The following SLC38A9 variants were observed in gnomAD, a reference collection of about 807,000 sequenced individuals.
SLC38A9 encodes the protein neutral amino acid transporter 9.
A neutral mutation model predicts 62.3 loss-of-function variants in SLC38A9; 48 were observed. That is an observed-to-expected ratio of 0.77 (90% confidence interval 0.61 to 0.98). The LOEUF (loss-of-function observed/expected upper bound fraction) is 0.98. SLC38A9 is among the 50% of genes least tolerant of loss of function. The probability of loss-of-function intolerance (pLI) is 0.00; values close to 1 mark genes in which losing one functional copy is unlikely to be tolerated. For missense variants in SLC38A9, 541 were observed against 679.8 expected (o/e 0.80, Z 2.27); for synonymous variants, 204 against 227.7 (o/e 0.90, Z 0.94).
chr5:55,637,066 T>A (rs890892091), intron 12 of SLC38A9, among the ~76,000 whole-genome samples: 1 of 152,152 alleles, frequency 6.6e-6, no homozygotes, highest in Non-Finnish European at 1.5e-5. Context: ...CCCATTATGA[T>A]GGCTGAAAGT....
chr5:55,691,431 T>C, intron 3 of SLC38A9: 1 of 1,066,454 alleles, frequency 9.4e-7, no homozygotes, highest in Admixed American at 4.0e-5. Context: ...GGATATGAAA[T>C]CCCTAGGCCC....
At chr5:55,641,469 C>T (rs561107688) in intron 12 of SLC38A9, among the ~76,000 whole-genome samples, 6 of 152,314 alleles carry the variant, frequency 3.9e-5, no homozygotes, top group Admixed American at 1.3e-4. Flanking sequence ...TCTGAATGCA[C>T]GTTGATAAGC....
intron 2 of SLC38A9, 183 bp downstream of exon 2, chr5:55,711,269 G>A: frequency 6.6e-6 from 1 of 152,024 alleles, no homozygotes; most frequent in Non-Finnish European, 1.5e-5. Flanking sequence ...CTCCAGCCTG[G>A]GCGACAGAGC....
chr5:55,635,718 T>C (rs1416095343), intron 12 of SLC38A9, 61 bp from the exon 13 acceptor site: 2 of 1,074,298 alleles, frequency 1.9e-6, no homozygotes, highest in Admixed American at 1.9e-5. Flanking sequence ...TCTACCTTAA[T>C]AGGCTAAGGA....
intron 3 of SLC38A9, among the ~76,000 whole-genome samples, chr5:55,676,360 A>T (rs1047928550): frequency 5.9e-5 from 9 of 152,088 alleles, no homozygotes; most frequent in Non-Finnish European, 1.3e-4. Flanking sequence ...AAATTTTTTT[A>T]TAGAGACAGG....
chr5:55,662,369 T>C (rs16884395), intron 8 of SLC38A9, among the ~76,000 whole-genome samples: 5,937 of 152,180 alleles, frequency 0.039, 155 homozygotes, highest in African/African-American at 0.082. Context: ...GCAAAAGCGT[T>C]TATGTAGATT....
At chr5:55,703,455 T>C (rs956147137) in intron 2 of SLC38A9, among the ~76,000 whole-genome samples, 3 of 152,196 alleles carry the variant, frequency 2.0e-5, no homozygotes, top group Non-Finnish European at 4.4e-5. Flanking sequence ...ATATAATGTA[T>C]TATACATATT....
intron 3 of SLC38A9, among the ~76,000 whole-genome samples, chr5:55,684,231 T>A (rs911606571): frequency 6.6e-6 from 1 of 152,226 alleles, no homozygotes; most frequent in African/African-American, 2.4e-5. Context: ...CACCTGTAAG[T>A]CTCTTTCTAT....
At chr5:55,675,745 AAT>A (rs201432451) in intron 3 of SLC38A9, among the ~76,000 whole-genome samples, 1,616 of 152,344 alleles carry the variant, frequency 0.011, 25 homozygotes, top group African/African-American at 0.037. Context: ...AATATTTTAA[AAT>A]ATGAGTCAAA....
intron 7 of SLC38A9, among the ~76,000 whole-genome samples, chr5:55,667,061 G>C (rs1262783191): frequency 2.6e-5 from 4 of 152,116 alleles, no homozygotes. Flanking sequence ...CAGGCGTGGT[G>C]GTGGGCGCCT....
chr5:55,682,655 C>T (rs6896429), intron 3 of SLC38A9, among the ~76,000 whole-genome samples: 1 of 151,596 alleles, frequency 6.6e-6, no homozygotes, highest in African/African-American at 2.4e-5. Context: ...TGCACTTGTA[C>T]TCTCAGCCTC....
At chr5:55,691,435 T>C (rs572055308) in intron 3 of SLC38A9, 2 of 1,033,332 alleles carry the variant, frequency 1.9e-6, no homozygotes, top group East Asian at 3.1e-5. Flanking sequence ...ATGAAATCCC[T>C]AGGCCCTGGG....
At chr5:55,700,375 C>T (rs1369481378) in intron 2 of SLC38A9, among the ~76,000 whole-genome samples, 1 of 112,080 alleles carries the variant, frequency 8.9e-6, no homozygotes, top group Non-Finnish European at 2.1e-5. Flanking sequence ...AAAAAAAGAA[C>T]TAAAATCCCA....
intron 9 of SLC38A9, among the ~76,000 whole-genome samples, chr5:55,656,218 A>G (rs1338625301): frequency 2.0e-5 from 3 of 151,430 alleles, no homozygotes; most frequent in African/African-American, 7.3e-5. Flanking sequence ...GTATTAATAA[A>G]TAAATTGAAA....
chr5:55,688,338 T>A (rs941360950), intron 3 of SLC38A9, among the ~76,000 whole-genome samples: 2 of 151,930 alleles, frequency 1.3e-5, no homozygotes, highest in African/African-American at 4.8e-5. Context: ...CTTTGTACCA[T>A]GTTTCAATCC....
At chr5:55,672,415 T>C in intron 4 of SLC38A9, 148 bp downstream of exon 4, 2 of 764,584 alleles carry the variant, frequency 2.6e-6, no homozygotes, top group Middle Eastern at 7.1e-4. Flanking sequence ...ATGTAGGATG[T>C]GTGTTAATTA....
intron 7 of SLC38A9, among the ~76,000 whole-genome samples, chr5:55,667,618 T>C (rs941997948): frequency 2.6e-5 from 4 of 152,146 alleles, no homozygotes; most frequent in Non-Finnish European, 4.4e-5. Context: ...TACAAATAAA[T>C]TTTACGTTTC....
At chr5:55,667,523 A>T (rs956579793) in intron 7 of SLC38A9, among the ~76,000 whole-genome samples, 1 of 151,106 alleles carries the variant, frequency 6.6e-6, no homozygotes, top group Non-Finnish European at 1.5e-5. Context: ...CTTAATAATG[A>T]AACATCCTTG....
chr5:55,653,850 G>C (rs1206139621), intron 9 of SLC38A9, among the ~76,000 whole-genome samples: 1 of 152,026 alleles, frequency 6.6e-6, no homozygotes, highest in Non-Finnish European at 1.5e-5. Flanking sequence ...GTAGAGACGG[G>C]GTTTCACCAT....
Sources: allele counts gnomAD v4.1 joint callset (sites outside exome capture counted in the v4.1 genomes callset), GRCh38; gene constraint gnomAD v4.1.1; transcripts MANE v1.5; gene names NCBI Gene and HGNC (gene_info 2026-07-23, HGNC 2026-07-21).